The following ZNF483 variants were observed in gnomAD, a reference collection of about 807,000 sequenced individuals.
The protein encoded by ZNF483 is zinc finger protein HIT-10.
A neutral mutation model predicts 28.6 loss-of-function variants in ZNF483; 9 were observed. That is an observed-to-expected ratio of 0.32 (90% CI 0.19 to 0.55). ZNF483 has a LOEUF of 0.55. Among genes scored for constraint, ZNF483 ranks in the 20% least tolerant of loss-of-function variants. The pLI, the probability that ZNF483 is intolerant of heterozygous loss-of-function variation, is 0.93. For synonymous variants in ZNF483, 322 were observed against 306.2 expected (o/e 1.05, Z -0.54); for missense variants, 675 against 871.7 (o/e 0.77, Z 2.84).
intron 5 of ZNF483, among the ~76,000 whole-genome samples, chr9:111,535,699 A>C (rs1199087469): frequency 6.6e-6 from 1 of 151,766 alleles, no homozygotes; most frequent in African/African-American, 2.4e-5. Context: ...ATGTGCCACC[A>C]CGCCAAGCTA....
chr9:111,526,498 T>C (rs2132207772), intron 1 of ZNF483, among the ~76,000 whole-genome samples: 1 of 152,292 alleles, frequency 6.6e-6, no homozygotes, highest in East Asian at 1.9e-4. Flanking sequence ...TGAAGAACCC[T>C]GTACTTAGGC....
chr9:111,533,846 C>G lies in ZNF483; in HGVS notation c.609C>G (p.Leu203=). Residue 203 remains leucine, a synonymous_variant, in exon 4 of 6, where the codon CTC becomes CTG. Coordinates refer to ENST00000309235, the MANE Select transcript of ZNF483 (RefSeq NM_133464.5). ...ELYKEVLLEN[L]RNLEFLDFPV... ...ATAAGGAAGTGCTACTGGAAAACCTCAGGAACCTAGAATTTCTGGGTAAAG... is the reference window on the plus strand; with the variant it reads ...ATAAGGAAGTGCTACTGGAAAACCTGAGGAACCTAGAATTTCTGGGTAAAG... 1 of 1,590,904 alleles carries G rather than the reference C, an allele frequency of 6.3e-7. No homozygotes were observed. The highest frequency in any genetic ancestry group is 8.5e-7 in the Non-Finnish European group (1 of 1,174,506).
intron 5 of ZNF483, among the ~76,000 whole-genome samples, chr9:111,568,340 C>A (rs1828664145): frequency 6.6e-6 from 1 of 152,068 alleles, no homozygotes; most frequent in South Asian, 2.1e-4. Context: ...TTGAGATAAG[C>A]ACTGAAATAC....
rs4345635 is a variant in ZNF483, at chr9:111,545,114, G to A, written c.*1944G>A. On this transcript the variant is annotated 3_prime_UTR_variant, in exon 6 of 6. Coordinates refer to ENST00000309235, the MANE Select transcript of ZNF483 (RefSeq NM_133464.5). ...CCAAGCCTGCAGTTTAAATATTGCC[G>A]TGTGATAAATTGGTCCGCATAGTTA... 0.072 allele frequency among the ~76,000 whole-genome samples: 10,985 copies of A among 152,138 alleles called. 613 individuals carry two copies. Among genetic ancestry groups the A allele is most frequent in the East Asian group, 0.26 (1,350 of 5,168 alleles).
chr9:111,561,148 G>GGGAGAGAGA (rs1554816400), intron 5 of ZNF483, among the ~76,000 whole-genome samples: 1 of 34,840 alleles, frequency 2.9e-5, no homozygotes, highest in African/African-American at 1.4e-4. Flanking sequence ...GGAGAGAGAG[G>GGGAGAGAGA]GAGAGAGAGA....
chr9:111,530,756 AATATATATATATATATATAT>A (rs60541488), intron 2 of ZNF483, 99 bp from the exon 3 acceptor site: 1,003 of 70,558 alleles, frequency 0.014, 29 homozygotes, highest in South Asian at 0.071. Context: ...ATCACTTAGA[AATATATATATATATATATAT>A]ATATATATAT....
chr9:111,544,750 G>A lies in ZNF483; in HGVS notation c.*1580G>A, dbSNP rs1173602706. Among the ~76,000 whole-genome samples, 2 of 152,076 alleles carry A rather than the reference G, an allele frequency of 1.3e-5. No homozygotes were observed. Among genetic ancestry groups the A allele is most frequent in the Admixed American group, 6.6e-5 (1 of 15,262 alleles). The stretch of plus-strand genomic sequence containing the variant: ...TAGACCTCAGAGGAATGGAATATAC[G>A]GGTATTGGTGGATTATTCCTTATAA... On this transcript the variant is annotated 3_prime_UTR_variant, in exon 6 of 6. Coordinates refer to ENST00000309235, the MANE Select transcript of ZNF483 (RefSeq NM_133464.5).
In ZNF483 at chr9:111,542,244, A is replaced by G. The variant is rs1016526511; in HGVS notation, c.1309A>G (p.Lys437Glu). 1.2e-6 allele frequency: 2 copies of G among 1,614,192 alleles called. No homozygotes were observed. The highest frequency in any genetic ancestry group is 1.7e-6 in the Non-Finnish European group (2 of 1,180,048). ...AGATGAGGGAAATGAGAGTGGAGAA[A>G]AAACTCATAAATGTAGTAAGTGTGG... Reference protein sequence around the residue: ...NKDEGNESGEKTHKCSKCGKA... With the variant: ...NKDEGNESGEETHKCSKCGKA... The change falls in exon 6 of 6, where the codon AAA becomes GAA. Residue 437 changes from lysine (K) to glutamate (E), a missense_variant. By Grantham distance (56) the Lys-to-Glu change is moderately conservative. Around this residue, in one of 6 missense-constraint regions of ZNF483, gnomAD observed 525 missense variants for 581.8 expected, o/e 0.90. Transcript: ENST00000309235. The surrounding 1 kb of genome is among the most constrained non-coding windows in gnomAD (Gnocchi z 6.2).
Position 111,549,917 on chromosome 9 carries a change from G to T in ZNF483, c.*6747G>T. The T allele has an allele frequency of 1.5e-6, 1 of 667,652 alleles. No individual in the cohort carries two copies. Among genetic ancestry groups the T allele is most frequent in the Admixed American group, 2.9e-5 (1 of 34,366 alleles). The allele number at this position is 667,652 out of a possible 1,614,324, so 41.4% of individuals were successfully genotyped here. A position where few individuals can be genotyped will look rare whatever the true frequency, so the allele number is the denominator to read the frequency against. On this transcript the variant is annotated 3_prime_UTR_variant, in exon 6 of 6. Transcript: ENST00000309235. Reference sequence around the variant, plus strand: ...TGTCCATTTTTTGTTGGTTTATTTTGTGCCTTTGAATGGTCAATACTTGTT... The same window carrying T: ...TGTCCATTTTTTGTTGGTTTATTTTTTGCCTTTGAATGGTCAATACTTGTT...
intron 5 of ZNF483, among the ~76,000 whole-genome samples, chr9:111,536,094 C>T (rs1827493309): frequency 6.7e-6 from 1 of 150,162 alleles, no homozygotes; most frequent in Non-Finnish European, 1.5e-5. Flanking sequence ...GGCGTTTCCC[C>T]ATGGAAAGGA....
intron 1 of ZNF483, among the ~76,000 whole-genome samples, chr9:111,525,704 A>G (rs1419582670): frequency 1.3e-5 from 2 of 151,886 alleles, no homozygotes; most frequent in Non-Finnish European, 2.9e-5. Context: ...GCTGCGTCAC[A>G]TTTTCACCGG....
At chr9:111,576,517 T>C in exon 6 of ZNF483, 2 of 1,508,388 alleles carry the variant, frequency 1.3e-6, no homozygotes, top group Non-Finnish European at 1.8e-6. Flanking sequence ...AAGAGCTGGA[T>C]GGAGTATGAA....
At chr9:111,539,761 CAAAA>C (rs201992061) in intron 5 of ZNF483, 7 of 105,952 alleles carry the variant, frequency 6.6e-5, no homozygotes, top group East Asian at 2.7e-4. Flanking sequence ...AACTCCGTCT[CAAAA>C]AAAAAAAAAA....
chr9:111,562,276 CTT>C (rs35900341), intron 5 of ZNF483, among the ~76,000 whole-genome samples: 52 of 140,462 alleles, frequency 3.7e-4, no homozygotes, highest in Non-Finnish European at 4.8e-4. Context: ...AAGCAGTAAA[CTT>C]TTTTTTTTTT....
At position 111,543,770 on chromosome 9, in the gene ZNF483, TTTTTTCTTTTTTTTTTTTCAA is replaced by T. The variant is rs1827734242; in HGVS notation, c.*613_*633del. 4 of 827,436 alleles carry T rather than the reference TTTTTTCTTTTTTTTTTTTCAA, an allele frequency of 4.8e-6. No individual in the cohort carries two copies. The African/African-American group carries it at 5.5e-5, about 11-fold the overall frequency. 51.3% of individuals were successfully genotyped at this position (827,436 alleles called of 1,614,324 possible). ...CAGGATGCTGGACTTCTTTTCTTTT[TTTTTTCTTTTTTTTTTTTCAA>T]TTTTTCTTTTTTGGGATGGAGTCTC... On this transcript the variant is annotated 3_prime_UTR_variant, in exon 6 of 6. Coordinates refer to ENST00000309235, the MANE Select transcript of ZNF483 (RefSeq NM_133464.5).
rs111820702 is a variant in ZNF483, at chr9:111,544,348, ATGTGTG to A, written c.*1198_*1203del. On this transcript the variant is annotated 3_prime_UTR_variant, in exon 6 of 6. Transcript: ENST00000309235. Reference sequence around the variant, plus strand: ...TAACAATTTGCTTGGGTGTGTGTGCATGTGTGTGTGTGTGTGTGTGTGTGTATACAT... The same window carrying A: ...TAACAATTTGCTTGGGTGTGTGTGCATGTGTGTGTGTGTGTGTGTATACAT... The A allele has an allele frequency of 2.5e-5, 24 of 957,674 alleles. No homozygotes were observed. The highest frequency in any genetic ancestry group is 2.3e-4 in the East Asian group (2 of 8,590). The allele number at this position is 957,674 out of a possible 1,614,324, so 59.3% of individuals were successfully genotyped here.
chr9:111,526,226 A>AG (rs1449573073), intron 1 of ZNF483, among the ~76,000 whole-genome samples: 1 of 152,198 alleles, frequency 6.6e-6, no homozygotes, highest in Non-Finnish European at 1.5e-5. Context: ...TTCCGAGGAG[A>AG]GGGAATAGCC....
At chr9:111,564,173 G>A (rs1052292918) in intron 5 of ZNF483, 7 of 988,854 alleles carry the variant, frequency 7.1e-6, no homozygotes, top group Admixed American at 5.6e-5. Context: ...CAAGTTTTTC[G>A]CTAATGTATT....
chr9:111,562,805 G>T, intron 5 of ZNF483: 7 of 395,716 alleles, frequency 1.8e-5, no homozygotes, highest in Non-Finnish European at 2.7e-5. Flanking sequence ...ATGTCCATGT[G>T]TTCTCATTGT....
Sources: gnomAD v4.1 joint callset for allele counts (sites outside exome capture counted in the v4.1 genomes callset) on GRCh38, gnomAD v4.1.1 for gene constraint, gnomAD v4.1.1 regional missense constraint, Gnocchi (gnomAD v3.1) non-coding constraint, MANE v1.5 for transcripts, NCBI Gene and HGNC (gene_info 2026-07-23, HGNC 2026-07-21) for gene names.